Variants in PAPOLA observed in about 807,000 individuals in gnomAD.
The protein encoded by PAPOLA is polynucleotide adenylyltransferase alpha.
In PAPOLA, 15 loss-of-function variants were observed where a neutral mutation model predicts 100.6. The ratio of observed to expected loss-of-function variants is 0.15; its 90% CI spans 0.10 to 0.23. The LOEUF (loss-of-function observed/expected upper bound fraction) is 0.23, where lower values mean the gene tolerates loss of function less well. Among genes scored for constraint, PAPOLA ranks in the 10% least tolerant of loss-of-function variants. PAPOLA has a pLI of 1.00. For synonymous variants in PAPOLA, 293 were observed against 300.0 expected (o/e 0.98, Z 0.24); for missense variants, 533 against 884.2 (o/e 0.60, Z 5.04).
chr14:96,537,107 G>T (rs1899603431), intron 12 of PAPOLA, 47 bp downstream of exon 12: 2 of 981,560 alleles, frequency 2.0e-6, no homozygotes, highest in Non-Finnish European at 3.3e-6. Flanking sequence ...TTAAGTAATG[G>T]TTTAATGGTA....
intron 1 of PAPOLA, among the ~76,000 whole-genome samples, chr14:96,514,837 A>G (rs1394202038): frequency 1.3e-5 from 2 of 152,206 alleles, no homozygotes; most frequent in Non-Finnish European, 1.5e-5. Flanking sequence ...CAGAGATGCA[A>G]CTTACCAAGA....
At chr14:96,555,516 T>C (rs1423491187) in intron 17 of PAPOLA, among the ~76,000 whole-genome samples, 1 of 152,112 alleles carries the variant, frequency 6.6e-6, no homozygotes, top group Non-Finnish European at 1.5e-5. Flanking sequence ...TTAAATTTAA[T>C]TAAAATTAAA....
chr14:96,502,542 C>T lies in PAPOLA; in HGVS notation c.-51C>T, dbSNP rs1159520061. 7 of 1,447,266 alleles carry T rather than the reference C, an allele frequency of 4.8e-6. No homozygotes were observed. Among genetic ancestry groups the T allele is most frequent in the African/African-American group, 4.3e-5 (3 of 69,282 alleles). The allele number at this position is 1,447,266 out of a possible 1,614,324, so 89.7% of individuals were successfully genotyped here. ...CAGTGGATCATGCCCAGGGCGGCAG[C>T]GGCGGCGGTTGCGGGGGGGAAGTGA... On this transcript the variant is annotated 5_prime_UTR_variant, in exon 1 of 22. Coordinates refer to ENST00000216277, the MANE Select transcript of PAPOLA (RefSeq NM_032632.5).
chr14:96,523,930 C>T (rs756485049), intron 3 of PAPOLA, among the ~76,000 whole-genome samples: 7 of 146,050 alleles, frequency 4.8e-5, no homozygotes, highest in Non-Finnish European at 8.9e-5. Flanking sequence ...GGTGACAGAG[C>T]GAGACTCTGT....
At chr14:96,542,068 G>A (rs562190100) in intron 12 of PAPOLA, 175 bp from the exon 13 acceptor site, 370 of 436,826 alleles carry the variant, frequency 8.5e-4, no homozygotes, top group African/African-American at 7.1e-3. Flanking sequence ...AAACTCACTA[G>A]TAGTTAGAAA....
intron 1 of PAPOLA, among the ~76,000 whole-genome samples, chr14:96,518,246 G>A (rs1009702719): frequency 5.3e-5 from 8 of 152,150 alleles, no homozygotes; most frequent in African/African-American, 1.4e-4. Context: ...TTAGTAACAC[G>A]CAGTATGGGC....
At chr14:96,509,289 A>C (rs1896942872) in intron 1 of PAPOLA, among the ~76,000 whole-genome samples, 2 of 152,176 alleles carry the variant, frequency 1.3e-5, no homozygotes, top group South Asian at 4.1e-4. Context: ...TTGGCCTCCC[A>C]AATTGCCGAG....
At chr14:96,533,314 A>G (rs1471060478) in intron 9 of PAPOLA, 1 of 984,396 alleles carries the variant, frequency 1.0e-6, no homozygotes, top group Non-Finnish European at 1.2e-6. Flanking sequence ...ATTAAGATAA[A>G]TCGTCCATTC....
chr14:96,530,527 A>G (rs994152616), intron 6 of PAPOLA, among the ~76,000 whole-genome samples: 5 of 151,656 alleles, frequency 3.3e-5, no homozygotes, highest in African/African-American at 1.2e-4. Flanking sequence ...AGGTGGGACT[A>G]CAGGCGCTTG....
chr14:96,542,286 C>T lies in PAPOLA; in HGVS notation c.1159C>T (p.Arg387Cys), dbSNP rs1392184557. 3.8e-6 allele frequency: 6 copies of T among 1,595,002 alleles called. No individual in the cohort carries two copies. The highest frequency in any genetic ancestry group is 1.3e-5 in the African/African-American group (1 of 74,656). The change falls in exon 13 of 22, where the codon CGC becomes TGC. Residue 387 changes from arginine (R) to cysteine (C), a missense_variant. By Grantham distance (180) the Arg-to-Cys change is radical (BLOSUM62 -3). Coordinates refer to ENST00000216277, the MANE Select transcript of PAPOLA (RefSeq NM_032632.5). Reference protein sequence around the residue: ...LLASAPTEKQRLEWVGLVESK... With the variant: ...LLASAPTEKQCLEWVGLVESK... ...AGCAAGTGCACCAACAGAAAAACAA[C>T]GCCTGGAATGGTGAGTATAAGAATA...
At chr14:96,504,985 A>C (rs998732999) in intron 1 of PAPOLA, among the ~76,000 whole-genome samples, 4 of 152,184 alleles carry the variant, frequency 2.6e-5, no homozygotes, top group Admixed American at 2.6e-4. Flanking sequence ...AAAATTATCG[A>C]AATTTAGGAT....
At position 96,542,238 on chromosome 14, in the gene PAPOLA, C is replaced by T. The variant is rs1385029608; in HGVS notation, c.1116-5C>T. On this transcript the variant is annotated splice_polypyrimidine_tract_variant and splice_region_variant and intron_variant, in intron 12 of 21. Transcript: ENST00000216277. Reference sequence around the variant, plus strand: ...ATAAATAGCATGTTGTCTTTATCTTCAAAGGCATTATATTGTACTTCTAGC... The same window carrying T: ...ATAAATAGCATGTTGTCTTTATCTTTAAAGGCATTATATTGTACTTCTAGC... 13 of 1,563,914 alleles carry T rather than the reference C, an allele frequency of 8.3e-6. No individual in the cohort carries two copies. The South Asian group carries it at 1.3e-4, about 16-fold the overall frequency.
intron 20 of PAPOLA, chr14:96,562,592 C>T: frequency 2.9e-6 from 1 of 342,522 alleles, no homozygotes; most frequent in East Asian, 5.6e-5. Flanking sequence ...CTAGTTTGAC[C>T]CATGCCTTAT....
intron 6 of PAPOLA, among the ~76,000 whole-genome samples, chr14:96,529,480 T>A (rs1394089602): frequency 1.3e-5 from 2 of 151,800 alleles, no homozygotes; most frequent in Non-Finnish European, 2.9e-5. Flanking sequence ...CCCAGCACTT[T>A]GGGAGGCCAA....
At chr14:96,532,283 T>G in intron 7 of PAPOLA, 48 bp from the exon 8 acceptor site, 1 of 1,421,168 alleles carries the variant, frequency 7.0e-7, no homozygotes, top group Non-Finnish European at 9.3e-7. Context: ...TTTGTTTTGT[T>G]TTGTGTGTGT....
At chr14:96,541,134 C>T (rs1288629903) in intron 12 of PAPOLA, among the ~76,000 whole-genome samples, 5 of 152,106 alleles carry the variant, frequency 3.3e-5, no homozygotes, top group Admixed American at 1.3e-4. Context: ...GTGATCCGCC[C>T]GCCTCGGCCT....
At chr14:96,507,478 G>A (rs928708473) in intron 1 of PAPOLA, among the ~76,000 whole-genome samples, 10 of 151,584 alleles carry the variant, frequency 6.6e-5, no homozygotes, top group African/African-American at 1.5e-4. Flanking sequence ...TAGTAGAGAC[G>A]GGGTTTCACC....
chr14:96,551,195 G>T (rs975816376), intron 16 of PAPOLA, among the ~76,000 whole-genome samples: 3 of 152,204 alleles, frequency 2.0e-5, no homozygotes, highest in African/African-American at 7.2e-5. Context: ...AGACCAACCA[G>T]ATAAACTTTC....
At chr14:96,512,789 A>C (rs1480658944) in intron 1 of PAPOLA, among the ~76,000 whole-genome samples, 4 of 152,202 alleles carry the variant, frequency 2.6e-5, no homozygotes, top group Non-Finnish European at 5.9e-5. Flanking sequence ...ACTTCATTGC[A>C]TACTCTGCTC....
Sources: allele counts gnomAD v4.1 joint callset (sites outside exome capture counted in the v4.1 genomes callset), GRCh38; gene constraint gnomAD v4.1.1; transcripts MANE v1.5; gene names NCBI Gene and HGNC (gene_info 2026-07-23, HGNC 2026-07-21).